CCDC91: variants seen among roughly 807,000 people sequenced by gnomAD.
CCDC91 encodes coiled-coil domain containing 91.
CCDC91 carries 48 observed loss-of-function variants against 63.2 expected under a neutral mutation model. The ratio of observed to expected loss-of-function variants is 0.76; its 90% CI spans 0.60 to 0.97. The LOEUF is 0.97. Ranked by LOEUF, CCDC91 falls within the 50% of genes least tolerant of loss-of-function variation. The pLI is 0.00. For synonymous variants in CCDC91, 167 were observed against 165.8 expected (o/e 1.01, Z -0.06); for missense variants, 500 against 494.6 (o/e 1.01, Z -0.10).
chr12:28,521,872 C>T (rs1452396632), intron 12 of CCDC91, among the ~76,000 whole-genome samples: 1 of 152,064 alleles, frequency 6.6e-6, no homozygotes, highest in African/African-American at 2.4e-5. Flanking sequence ...TGCTGGATTA[C>T]ACTTATTGAT....
At chr12:28,374,579 A>G (rs569716267) in intron 7 of CCDC91, among the ~76,000 whole-genome samples, 1 of 152,172 alleles carries the variant, frequency 6.6e-6, no homozygotes, top group Admixed American at 6.5e-5. Flanking sequence ...TTTTATTAGC[A>G]ATATCTTATG....
intron 12 of CCDC91, among the ~76,000 whole-genome samples, chr12:28,540,018 G>A (rs1942508221): frequency 6.6e-6 from 1 of 152,070 alleles, no homozygotes; most frequent in African/African-American, 2.4e-5. Context: ...AGAATTCCTA[G>A]TGGGAATCAG....
chr12:28,226,501 G>C (rs1944282831), intron 1 of CCDC91, among the ~76,000 whole-genome samples: 1 of 152,050 alleles, frequency 6.6e-6, no homozygotes, highest in African/African-American at 2.4e-5. Context: ...CTCTTGAATA[G>C]TAATGGTTTT....
At chr12:28,328,959 T>C (rs1398395192) in intron 6 of CCDC91, among the ~76,000 whole-genome samples, 1 of 152,062 alleles carries the variant, frequency 6.6e-6, no homozygotes, top group Admixed American at 6.6e-5. Context: ...CTTCAGACAA[T>C]GGAAAAGAAA....
At chr12:28,433,072 T>C (rs1365313680) in intron 8 of CCDC91, among the ~76,000 whole-genome samples, 1 of 152,004 alleles carries the variant, frequency 6.6e-6, no homozygotes, top group African/African-American at 2.4e-5. Flanking sequence ...GGCCTTTTTT[T>C]GTTGTTGAGT....
chr12:28,292,368 T>C (rs1374008426), intron 3 of CCDC91, among the ~76,000 whole-genome samples: 2 of 152,200 alleles, frequency 1.3e-5, no homozygotes, highest in Non-Finnish European at 2.9e-5. Context: ...ATAATAACAA[T>C]AGAACTTTAT....
chr12:28,328,732 G>A (rs1941235203), intron 6 of CCDC91, among the ~76,000 whole-genome samples: 1 of 152,026 alleles, frequency 6.6e-6, no homozygotes, highest in Non-Finnish European at 1.5e-5. Context: ...TTTCCAAATG[G>A]CAATGACTAA....
At chr12:28,320,716 A>G (rs1476056500) in intron 6 of CCDC91, among the ~76,000 whole-genome samples, 3 of 151,948 alleles carry the variant, frequency 2.0e-5, no homozygotes, top group East Asian at 3.9e-4. Context: ...AAGAGAAAAG[A>G]TACATTTGAT....
intron 11 of CCDC91, among the ~76,000 whole-genome samples, chr12:28,482,495 A>G (rs1316829522): frequency 4.6e-5 from 7 of 151,918 alleles, no homozygotes; most frequent in Admixed American, 3.9e-4. Context: ...TATTAAAGTG[A>G]TAGATGATAT....
chr12:28,413,245 A>C (rs1163644225), intron 8 of CCDC91, among the ~76,000 whole-genome samples: 2 of 152,104 alleles, frequency 1.3e-5, no homozygotes, highest in African/African-American at 2.4e-5. Context: ...TCTCCTATTA[A>C]ACATTTTTTT....
intron 3 of CCDC91, among the ~76,000 whole-genome samples, chr12:28,278,808 AGCT>A (rs1948411450): frequency 6.6e-6 from 1 of 152,080 alleles, no homozygotes; most frequent in African/African-American, 2.4e-5. Flanking sequence ...CACCATTAAC[AGCT>A]ATGTAACCTT....
At chr12:28,442,183 A>G (rs1949261508) in intron 8 of CCDC91, among the ~76,000 whole-genome samples, 1 of 152,130 alleles carries the variant, frequency 6.6e-6, no homozygotes, top group South Asian at 2.1e-4. Context: ...CTGCCTGTGT[A>G]TTCAGAGAAC....
intron 11 of CCDC91, among the ~76,000 whole-genome samples, chr12:28,476,290 A>T (rs1468753631): frequency 6.6e-6 from 1 of 152,168 alleles, no homozygotes; most frequent in Non-Finnish European, 1.5e-5. Flanking sequence ...ACCACAGTGC[A>T]ATCAAACTAG....
At chr12:28,473,652 C>G (rs1457829422) in intron 11 of CCDC91, among the ~76,000 whole-genome samples, 1 of 152,066 alleles carries the variant, frequency 6.6e-6, no homozygotes, top group Non-Finnish European at 1.5e-5. Context: ...TGAATAACTT[C>G]AAACTTGGCA....
chr12:28,416,010 A>T (rs1438420589), intron 8 of CCDC91, among the ~76,000 whole-genome samples: 3 of 151,354 alleles, frequency 2.0e-5, no homozygotes, highest in Non-Finnish European at 2.9e-5. Context: ...GTCATGAGGT[A>T]ATTTATCATG....
intron 6 of CCDC91, among the ~76,000 whole-genome samples, chr12:28,334,814 A>G (rs1243992536): frequency 6.6e-6 from 1 of 152,088 alleles, no homozygotes. Context: ...CAAACCAACC[A>G]AACATAACAG....
chr12:28,226,089 T>A (rs1944256935), intron 1 of CCDC91: 1 of 152,108 alleles, frequency 6.6e-6, no homozygotes. Context: ...TAGTTATACA[T>A]CTCCTTATTG....
chr12:28,330,963 G>T (rs1477335205), intron 6 of CCDC91, among the ~76,000 whole-genome samples: 2 of 152,126 alleles, frequency 1.3e-5, no homozygotes, highest in African/African-American at 4.8e-5. Flanking sequence ...CACAAGTAAG[G>T]ATAATAAAAC....
At chr12:28,235,007 T>C (rs1944843816) in intron 1 of CCDC91, among the ~76,000 whole-genome samples, 1 of 152,132 alleles carries the variant, frequency 6.6e-6, no homozygotes, top group African/African-American at 2.4e-5. Flanking sequence ...GAGTGCAAGT[T>C]TGATTAGGTG....
Sources: allele counts gnomAD v4.1 joint callset (sites outside exome capture counted in the v4.1 genomes callset), GRCh38; gene constraint gnomAD v4.1.1; transcripts MANE v1.5; gene names NCBI Gene and HGNC (gene_info 2026-07-23, HGNC 2026-07-21).